The following MTAP variants were observed in gnomAD, a reference collection of about 807,000 sequenced individuals.
MTAP encodes S-methyl-5'-thioadenosine phosphorylase.
MTAP carries 33 observed loss-of-function variants against 33.6 expected under a neutral mutation model. That is an observed-to-expected ratio of 0.98 (90% CI 0.74 to 1.31). The LOEUF is 1.31. Ranked by LOEUF, MTAP falls within the 40% of genes most tolerant of loss-of-function variation. MTAP has a pLI of 0.00. For missense variants in MTAP, 367 were observed against 360.0 expected (o/e 1.02, Z -0.16); for synonymous variants, 148 against 125.7 (o/e 1.18, Z -1.19).
intron 1 of MTAP, among the ~76,000 whole-genome samples, chr9:21,899,586 C>A (rs1327205163): frequency 6.6e-6 from 1 of 152,146 alleles, no homozygotes; most frequent in Non-Finnish European, 1.5e-5. Flanking sequence ...GGAAGCAAGA[C>A]ACCTTCTTTA....
intron 1 of MTAP, chr9:21,929,588 T>A: frequency 2.7e-6 from 1 of 368,694 alleles, no homozygotes. Context: ...AAATGCTGGT[T>A]ATGTACTAGC....
At chr9:21,824,537 A>C (rs1322965011) in intron 4 of MTAP, among the ~76,000 whole-genome samples, 1 of 151,998 alleles carries the variant, frequency 6.6e-6, no homozygotes, top group Non-Finnish European at 1.5e-5. Context: ...CAGTTAGCCT[A>C]CTCGGGGTTC....
At chr9:21,851,882 T>TC (rs1182139353) in intron 5 of MTAP, among the ~76,000 whole-genome samples, 1 of 152,192 alleles carries the variant, frequency 6.6e-6, no homozygotes, top group Non-Finnish European at 1.5e-5. Flanking sequence ...CTTCCTGCCC[T>TC]CCAACATCAA....
chr9:21,877,214 C>G (rs1826025128), intron 1 of MTAP, among the ~76,000 whole-genome samples: 1 of 151,948 alleles, frequency 6.6e-6, no homozygotes, highest in African/African-American at 2.4e-5. Context: ...GATTTTGTAT[C>G]CTGAAATTTT....
At chr9:21,937,095 G>T (rs1029543868) in exon 8 of MTAP, 1 of 152,326 alleles carries the variant, frequency 6.6e-6, no homozygotes, top group Non-Finnish European at 1.5e-5. Context: ...GCTCACGCCT[G>T]TAATCCCAGC....
chr9:21,872,885 G>C (rs983149444), intron 1 of MTAP, among the ~76,000 whole-genome samples: 14 of 152,150 alleles, frequency 9.2e-5, no homozygotes, highest in African/African-American at 3.4e-4. Context: ...CCTCGGGAGG[G>C]AATGTGAGTC....
chr9:21,840,934 A>G (rs1444016559), intron 5 of MTAP, among the ~76,000 whole-genome samples: 2 of 152,150 alleles, frequency 1.3e-5, no homozygotes, highest in African/African-American at 2.4e-5. Context: ...AGCCTCACCA[A>G]CTGCATAGTA....
chr9:21,859,055 CGAA>C, intron 6 of MTAP: 1 of 307,706 alleles, frequency 3.2e-6, no homozygotes, highest in Non-Finnish European at 5.8e-6. Flanking sequence ...AAGGGGCCCT[CGAA>C]GAATAGCACT....
At chr9:21,873,421 G>A (rs1825962504) in intron 1 of MTAP, among the ~76,000 whole-genome samples, 1 of 152,066 alleles carries the variant, frequency 6.6e-6, no homozygotes, top group African/African-American at 2.4e-5. Flanking sequence ...TAGAGCCTTT[G>A]GGGGTGATTA....
At position 21,837,918 on chromosome 9, in the gene MTAP, A is replaced by C. The variant is rs201653850; in HGVS notation, c.358A>C (p.Arg120=). ...IDQFIDRTTM[R]PQSFYDGSHS... ...TGCTTTATTTTGTAGGACCACTATGAGACCTCAGTCCTTCTATGATGGAAG... is the reference window on the plus strand; with the variant it reads ...TGCTTTATTTTGTAGGACCACTATGCGACCTCAGTCCTTCTATGATGGAAG... Residue 120 remains arginine (R), a synonymous_variant, in exon 5 of 8, where the codon AGA becomes CGA. Coordinates refer to ENST00000644715, the MANE Select transcript of MTAP (RefSeq NM_002451.4). 8 of 1,613,692 alleles carry C rather than the reference A, an allele frequency of 5.0e-6. No individual in the cohort carries two copies. The Middle Eastern group carries it at 8.3e-4, about 166-fold the overall frequency.
intron 1 of MTAP, among the ~76,000 whole-genome samples, chr9:21,878,115 T>G (rs1826036759): frequency 1.3e-5 from 2 of 152,182 alleles, no homozygotes; most frequent in South Asian, 4.1e-4. Flanking sequence ...AATTATCCAT[T>G]TCTTCTGTTT....
intron 1 of MTAP, among the ~76,000 whole-genome samples, chr9:21,924,909 G>T (rs1818845610): frequency 6.6e-6 from 1 of 152,238 alleles, no homozygotes; most frequent in Non-Finnish European, 1.5e-5. Context: ...TCCATAAACT[G>T]GGCTTAACAT....
intron 1 of MTAP, among the ~76,000 whole-genome samples, chr9:21,814,848 A>G (rs1441921540): frequency 6.6e-6 from 1 of 152,208 alleles, no homozygotes; most frequent in South Asian, 2.1e-4. Flanking sequence ...TCATAAATGT[A>G]TATGCGGGTA....
intron 1 of MTAP, among the ~76,000 whole-genome samples, chr9:21,904,154 T>A (rs1367275004): frequency 2.0e-5 from 3 of 152,184 alleles, no homozygotes; most frequent in Non-Finnish European, 4.4e-5. Context: ...GTCAGTGGCC[T>A]GCCAGTGTGC....
intron 1 of MTAP, chr9:21,929,323 G>A (rs1338325258): frequency 1.3e-5 from 2 of 156,020 alleles, no homozygotes; most frequent in Admixed American, 6.5e-5. Flanking sequence ...GGTGATCCTA[G>A]TATTAGGAAT....
chr9:21,903,900 T>G (rs534487357), intron 1 of MTAP, among the ~76,000 whole-genome samples: 4 of 152,298 alleles, frequency 2.6e-5, no homozygotes, highest in Admixed American at 2.6e-4. Flanking sequence ...TTAGCTCAAG[T>G]AGACCCCCTT....
At chr9:21,839,410 G>C (rs552847232) in intron 5 of MTAP, among the ~76,000 whole-genome samples, 4 of 152,158 alleles carry the variant, frequency 2.6e-5, no homozygotes, top group Non-Finnish European at 5.9e-5. Context: ...ATGCATGCTC[G>C]TATGAATCTG....
chr9:21,883,141 A>C (rs1477770034), intron 1 of MTAP, among the ~76,000 whole-genome samples: 1 of 151,992 alleles, frequency 6.6e-6, no homozygotes, highest in Non-Finnish European at 1.5e-5. Context: ...AAAAACAAAA[A>C]CTGGTGTCCA....
intron 4 of MTAP, among the ~76,000 whole-genome samples, chr9:21,830,439 A>T (rs1225051749): frequency 2.0e-5 from 3 of 152,176 alleles, no homozygotes; most frequent in Non-Finnish European, 4.4e-5. Flanking sequence ...TAACTTGTAC[A>T]AGGTCCCCAT....
Sources: gnomAD v4.1 joint callset for allele counts (sites outside exome capture counted in the v4.1 genomes callset) on GRCh38, gnomAD v4.1.1 for gene constraint, MANE v1.5 for transcripts, NCBI Gene and HGNC (gene_info 2026-07-23, HGNC 2026-07-21) for gene names.